ACACA: variants seen among roughly 807,000 people sequenced by gnomAD.
ACACA encodes acetyl-CoA carboxylase 1.
A neutral mutation model predicts 296.1 loss-of-function variants in ACACA; 103 were observed. That is an observed-to-expected ratio of 0.35 (90% CI 0.30 to 0.41). The LOEUF is 0.41. Among genes scored for constraint, ACACA ranks in the 10% least tolerant of loss-of-function variants. The probability of loss-of-function intolerance (pLI) is 1.00; values close to 1 mark genes in which losing one functional copy is unlikely to be tolerated. For synonymous variants in ACACA, 953 were observed against 1,038.6 expected (o/e 0.92, Z 1.58); for missense variants, 1,554 against 2,989.7 (o/e 0.52, Z 11.20).
intron 52 of ACACA, among the ~76,000 whole-genome samples, chr17:37,107,286 GC>G (rs2073743952): frequency 6.6e-6 from 1 of 152,198 alleles, no homozygotes; most frequent in Admixed American, 6.5e-5. Flanking sequence ...TCAGCTTTCA[GC>G]CTCTCGAAGA....
At chr17:37,305,396 C>T (rs1404184483) in intron 3 of ACACA, among the ~76,000 whole-genome samples, 3 of 152,090 alleles carry the variant, frequency 2.0e-5, no homozygotes, top group Non-Finnish European at 2.9e-5. Flanking sequence ...TTAAATGTGG[C>T]TTTTGAGGAG....
At chr17:37,205,372 T>C (rs2078450264) in intron 33 of ACACA, among the ~76,000 whole-genome samples, 2 of 151,846 alleles carry the variant, frequency 1.3e-5, no homozygotes, top group African/African-American at 4.8e-5. Flanking sequence ...GAAAGGAGGA[T>C]AGATGTATAA....
At chr17:37,376,210 C>G in intron 1 of ACACA, 1 of 1,424,416 alleles carries the variant, frequency 7.0e-7, no homozygotes, top group Non-Finnish European at 9.9e-7. Context: ...GAAAGAGTTT[C>G]GGGGTCTCTT....
chr17:37,202,894 C>A (rs1450848754), intron 33 of ACACA, among the ~76,000 whole-genome samples: 1 of 150,608 alleles, frequency 6.6e-6, no homozygotes, highest in Non-Finnish European at 1.5e-5. Flanking sequence ...CACACCTAGT[C>A]AAGGAAAAGG....
chr17:37,332,335 C>G (rs1568008280), intron 2 of ACACA, among the ~76,000 whole-genome samples: 1 of 150,800 alleles, frequency 6.6e-6, no homozygotes, highest in Non-Finnish European at 1.5e-5. Flanking sequence ...TTTTTAAAAA[C>G]CAAAATAAGA....
chr17:37,199,521 G>T (rs1470872719), intron 35 of ACACA, among the ~76,000 whole-genome samples: 1 of 151,968 alleles, frequency 6.6e-6, no homozygotes, highest in South Asian at 2.1e-4. Context: ...CAGTTAAATG[G>T]GAGAATAAGC....
chr17:37,307,395 C>T (rs1046673762), intron 3 of ACACA, among the ~76,000 whole-genome samples: 3 of 152,060 alleles, frequency 2.0e-5, no homozygotes, highest in Admixed American at 1.3e-4. Context: ...TGATATTGCT[C>T]GTTTTTTAAT....
Position 37,188,310 on chromosome 17 carries a change from T to C in ACACA, c.4743A>G (p.Leu1581=). Residue 1581 remains leucine, a synonymous_variant, in exon 39 of 56, where the codon CTA becomes CTG. Coordinates refer to ENST00000616317, the MANE Select transcript of ACACA (RefSeq NM_198834.3). Reference sequence around the variant, plus strand: ...TCCTGGAGTCAGTCACTTCCTTGTATAGGCTGATATCCAAGTAATAGCCAG... The same window carrying C: ...TCCTGGAGTCAGTCACTTCCTTGTACAGGCTGATATCCAAGTAATAGCCAG... ...NESGYYLDIS[L]YKEVTDSRTA... 2 of 1,614,118 alleles carry C rather than the reference T, an allele frequency of 1.2e-6. No homozygotes were observed. The highest frequency in any genetic ancestry group is 1.7e-6 in the Non-Finnish European group (2 of 1,179,996).
chr17:37,256,641 A>C (rs1230769866), intron 14 of ACACA, among the ~76,000 whole-genome samples: 1 of 152,184 alleles, frequency 6.6e-6, no homozygotes, highest in Non-Finnish European at 1.5e-5. Flanking sequence ...CTGAGGCAAA[A>C]GGATTGCTTG....
At chr17:37,274,425 T>C in intron 8 of ACACA, 126 bp from the exon 9 acceptor site, 1 of 1,060,424 alleles carries the variant, frequency 9.4e-7, no homozygotes, top group South Asian at 1.3e-5. Flanking sequence ...GAAAGAAGGA[T>C]GCCATAAAAC....
At chr17:37,124,782 T>C (rs11652379) in intron 48 of ACACA, among the ~76,000 whole-genome samples, 50,320 of 152,006 alleles carry the variant, frequency 0.33, 11,448 homozygotes, top group African/African-American at 0.64. Context: ...CTGTGGGATT[T>C]GCCCTCTGAT....
chr17:37,236,785 A>G (rs2080131741), intron 24 of ACACA, among the ~76,000 whole-genome samples: 2 of 152,218 alleles, frequency 1.3e-5, no homozygotes, highest in African/African-American at 2.4e-5. Context: ...AGATTGCACC[A>G]CTGCACTCCA....
At chr17:37,187,427 C>A (rs572497417) in intron 39 of ACACA, among the ~76,000 whole-genome samples, 98 of 152,348 alleles carry the variant, frequency 6.4e-4, no homozygotes, top group African/African-American at 2.3e-3. Context: ...CAGGTTCATC[C>A]TTTAATCAGA....
At chr17:37,129,154 T>C (rs2074968269) in intron 47 of ACACA, among the ~76,000 whole-genome samples, 2 of 152,212 alleles carry the variant, frequency 1.3e-5, no homozygotes, top group South Asian at 4.1e-4. Context: ...TAATGGGTGA[T>C]TGGGAAATGT....
chr17:37,271,458 T>C (rs574566212), intron 9 of ACACA, among the ~76,000 whole-genome samples: 9 of 152,074 alleles, frequency 5.9e-5, no homozygotes, highest in Admixed American at 3.3e-4. Context: ...GAGGTTGCAG[T>C]GAGCCAAGAT....
intron 39 of ACACA, among the ~76,000 whole-genome samples, chr17:37,183,851 T>TA (rs1363372853): frequency 7.6e-5 from 11 of 145,014 alleles, no homozygotes; most frequent in African/African-American, 1.7e-4. Context: ...TTCAGTCCTT[T>TA]TTTTTTTTTT....
At chr17:37,146,250 G>A (rs898265860) in intron 45 of ACACA, among the ~76,000 whole-genome samples, 1 of 152,102 alleles carries the variant, frequency 6.6e-6, no homozygotes, top group African/African-American at 2.4e-5. Context: ...ATGCCAAGAT[G>A]GAGTATAGCC....
At chr17:37,386,314 G>A (rs890541281) in intron 1 of ACACA, among the ~76,000 whole-genome samples, 3 of 151,992 alleles carry the variant, frequency 2.0e-5, no homozygotes, top group Non-Finnish European at 2.9e-5. Context: ...TCTCTAGGCC[G>A]GGTGCTGTGG....
intron 1 of ACACA, among the ~76,000 whole-genome samples, chr17:37,350,685 C>T (rs2048858643): frequency 6.6e-6 from 1 of 151,940 alleles, no homozygotes; most frequent in African/African-American, 2.4e-5. Context: ...ACTAAAAATA[C>T]AAAATTATCC....
Sources: gnomAD v4.1 joint callset for allele counts (sites outside exome capture counted in the v4.1 genomes callset) on GRCh38, gnomAD v4.1.1 for gene constraint, MANE v1.5 for transcripts, NCBI Gene and HGNC (gene_info 2026-07-23, HGNC 2026-07-21) for gene names.